Variants in RBM33 observed in about 807,000 individuals in gnomAD.
RBM33 encodes the protein RNA binding motif protein 33.
A neutral mutation model predicts 132.6 loss-of-function variants in RBM33; 28 were observed. The ratio of observed to expected loss-of-function variants is 0.21; its 90% confidence interval spans 0.16 to 0.29. The LOEUF (loss-of-function observed/expected upper bound fraction) is 0.29. RBM33 is among the 10% of genes least tolerant of loss of function. The probability of loss-of-function intolerance (pLI) is 1.00; values close to 1 mark genes in which losing one functional copy is unlikely to be tolerated. For synonymous variants in RBM33, 634 were observed against 593.0 expected, an observed-to-expected ratio of 1.07 and a Z score of -1.01; for missense variants, 1,291 against 1,518.5, an observed-to-expected ratio of 0.85 and a Z score of 2.49.
rs951108917 is a variant in RBM33, at chr7:155,759,872, C to T, written c.2980-3940C>T. Among the ~76,000 whole-genome samples the T allele has an allele frequency of 2.6e-5, 4 of 152,154 alleles. No individual in the cohort carries two copies. In the South Asian group the frequency reaches 8.3e-4, roughly 32 times the overall value. On this transcript the variant is annotated intron_variant, in intron 14 of 17. Transcript: ENST00000401878. Reference sequence around the variant, plus strand: ...TGCCAGGGAAACCGGCCAGAGCATTCGTCTTGCTGTCCGTCATGTTCTGTG... The same window carrying T: ...TGCCAGGGAAACCGGCCAGAGCATTTGTCTTGCTGTCCGTCATGTTCTGTG...
chr7:155,659,158 A>G (rs547225143), intron 1 of RBM33, among the ~76,000 whole-genome samples: 1 of 152,332 alleles, frequency 6.6e-6, no homozygotes, highest in Admixed American at 6.5e-5. Context: ...ATTGCAATGT[A>G]CAGAATATCC....
chr7:155,733,306 T>G, intron 9 of RBM33, among the ~76,000 whole-genome samples: 1 of 152,190 alleles, frequency 6.6e-6, no homozygotes, highest in East Asian at 1.9e-4. Flanking sequence ...TAAGATTTCT[T>G]ATTATATGGG....
intron 9 of RBM33, among the ~76,000 whole-genome samples, chr7:155,729,924 A>G (rs1246609366): frequency 2.1e-4 from 32 of 152,000 alleles, no homozygotes. Context: ...CTAGGTTAGT[A>G]CATCCTAACC....
At chr7:155,765,237 T>C (rs1423487811) in intron 15 of RBM33, among the ~76,000 whole-genome samples, 1 of 152,224 alleles carries the variant, frequency 6.6e-6, no homozygotes, top group Non-Finnish European at 1.5e-5. Context: ...TGTATATAAG[T>C]AGGCATTTGT....
intron 1 of RBM33, among the ~76,000 whole-genome samples, chr7:155,659,311 T>G (rs1798576739): frequency 6.6e-6 from 1 of 152,146 alleles, no homozygotes; most frequent in South Asian, 2.1e-4. Flanking sequence ...TTTAACCTTC[T>G]TAAATATGCT....
intron 3 of RBM33, among the ~76,000 whole-genome samples, chr7:155,677,127 C>T (rs888698478): frequency 1.3e-5 from 2 of 152,076 alleles, no homozygotes; most frequent in Non-Finnish European, 2.9e-5. Context: ...ATAGCTCTCA[C>T]TTTCATAATG....
At position 155,701,176 on chromosome 7, in the gene RBM33, A is replaced by T. The variant is rs571855583; in HGVS notation, c.739+232A>T. The T allele has an allele frequency of 4.3e-4, 196 of 459,772 alleles. No individual in the cohort carries two copies. The African/African-American group carries it at 7.4e-3, about 17-fold the overall frequency. 28.5% of individuals were successfully genotyped at this position (459,772 alleles called of 1,614,324 possible). ...CTTGAATAAAATGTTTAAGATAATT[A>T]AAAAAAATTTTTTTTTGAGTCTGTG... On this transcript the variant is annotated intron_variant, in intron 6 of 17. Coordinates refer to ENST00000401878, the MANE Select transcript of RBM33 (RefSeq NM_053043.3).
At position 155,644,789 on chromosome 7, in the gene RBM33, C is replaced by G. The variant is rs552713879; in HGVS notation, c.-88C>G. 1.9e-5 allele frequency: 22 copies of G among 1,177,632 alleles called. 1 individual carries two copies. Among genetic ancestry groups the G allele is most frequent in the South Asian group, 4.9e-5 (3 of 60,716 alleles). The allele number at this position is 1,177,632 out of a possible 1,614,324, so 72.9% of individuals were successfully genotyped here. On this transcript the variant is annotated 5_prime_UTR_variant, in exon 1 of 18. Transcript: ENST00000401878. ...TGCAGCCCCCTCCCTTCTCTGTCCTCCGTCACCCGTACCCGGGCCCGGACC... is the reference window on the plus strand; with the variant it reads ...TGCAGCCCCCTCCCTTCTCTGTCCTGCGTCACCCGTACCCGGGCCCGGACC...
chr7:155,769,507 G>C (rs780295347), intron 16 of RBM33, among the ~76,000 whole-genome samples: 6 of 152,150 alleles, frequency 3.9e-5, no homozygotes, highest in Admixed American at 1.3e-4. Flanking sequence ...TGCTGATTTG[G>C]GGGTAGGCAT....
intron 9 of RBM33, among the ~76,000 whole-genome samples, chr7:155,724,493 T>C (rs918578265): frequency 6.6e-6 from 1 of 151,950 alleles, no homozygotes; most frequent in Non-Finnish European, 1.5e-5. Context: ...GTGCCACTGC[T>C]CTCCAGCCTG....
intron 15 of RBM33, among the ~76,000 whole-genome samples, chr7:155,765,964 C>T (rs988779130): frequency 6.6e-6 from 1 of 152,168 alleles, no homozygotes. Context: ...TTCAGGGTAG[C>T]AAATGTAGTC....
Position 155,737,586 on chromosome 7 carries a change from G to T in RBM33, c.1317G>T (p.Gln439His), listed in dbSNP as rs1563167854. 1.9e-6 allele frequency: 3 copies of T among 1,613,018 alleles called. No individual in the cohort carries two copies. The highest frequency in any genetic ancestry group is 2.5e-6 in the Non-Finnish European group (3 of 1,179,554). The change falls in exon 10 of 18, where the codon CAG becomes CAT. Residue 439 changes from glutamine (Q) to histidine (H), a missense_variant. Transcript: ENST00000401878. ...GACCTGTTCCCAACAGTTTCAGCCA[G>T]CCCCCACGACTCCCTCTCCAGGACC... ...TPGPVPNSFSQPPRLPLQDQW... is the reference protein window; with the variant it reads ...TPGPVPNSFSHPPRLPLQDQW...
At chr7:155,738,588 G>GA (rs912271953) in intron 11 of RBM33, 185 bp downstream of exon 11, 14 of 608,610 alleles carry the variant, frequency 2.3e-5, no homozygotes, top group East Asian at 8.5e-5. Flanking sequence ...CTCAATACAA[G>GA]AAAAAAATGG....
intron 14 of RBM33, among the ~76,000 whole-genome samples, chr7:155,754,047 T>C (rs1428594898): frequency 6.6e-6 from 1 of 152,226 alleles, no homozygotes; most frequent in Non-Finnish European, 1.5e-5. Context: ...CCAAGGAGAC[T>C]ACTTTTTAAG....
intron 14 of RBM33, among the ~76,000 whole-genome samples, chr7:155,747,895 G>A (rs1272834502): frequency 6.6e-6 from 1 of 152,212 alleles, no homozygotes; most frequent in Non-Finnish European, 1.5e-5. Context: ...ATTTTTGAGA[G>A]AACATATTCC....
chr7:155,649,610 C>A (rs1167551956), intron 1 of RBM33, among the ~76,000 whole-genome samples: 2 of 152,082 alleles, frequency 1.3e-5, no homozygotes, highest in African/African-American at 4.8e-5. Context: ...AGAATGTCCC[C>A]CCCCTTTTCT....
At chr7:155,661,967 G>A (rs1170659052) in intron 1 of RBM33, among the ~76,000 whole-genome samples, 1 of 152,104 alleles carries the variant, frequency 6.6e-6, no homozygotes, top group East Asian at 1.9e-4. Context: ...TAGATAATAT[G>A]TTGTAGCAAC....
intron 16 of RBM33, among the ~76,000 whole-genome samples, chr7:155,768,708 C>G (rs749544113): frequency 1.3e-5 from 2 of 152,260 alleles, no homozygotes; most frequent in Non-Finnish European, 2.9e-5. Flanking sequence ...CCTCCGCCTC[C>G]CGGGTTCAAG....
At chr7:155,748,564 C>CT (rs1249374211) in intron 14 of RBM33, among the ~76,000 whole-genome samples, 6 of 152,068 alleles carry the variant, frequency 3.9e-5, no homozygotes, top group African/African-American at 1.4e-4. Context: ...ATGGAGTTTT[C>CT]TTCTATATTT....
Sources: allele counts gnomAD v4.1 joint callset (sites outside exome capture counted in the v4.1 genomes callset), GRCh38; gene constraint gnomAD v4.1.1; transcripts MANE v1.5; gene names NCBI Gene and HGNC (gene_info 2026-07-23, HGNC 2026-07-21).